PCCA: variants seen among roughly 807,000 people sequenced by gnomAD.
PCCA encodes the protein propionyl-CoA carboxylase subunit alpha.
Under a neutral mutation model 101.3 loss-of-function variants are expected in PCCA, and 74 were observed. The observed-to-expected ratio is 0.73, with a 90% CI of 0.61 to 0.89. PCCA has a LOEUF of 0.89. Among genes scored for constraint, PCCA ranks in the 40% least tolerant of loss-of-function variants. PCCA has a pLI of 0.00. For missense variants in PCCA, 891 were observed against 907.0 expected (o/e 0.98, Z 0.23); for synonymous variants, 294 against 313.6 (o/e 0.94, Z 0.66).
intron 15 of PCCA, among the ~76,000 whole-genome samples, chr13:100,308,334 CT>C (rs111983196): frequency 6.6e-6 from 1 of 151,472 alleles, no homozygotes; most frequent in African/African-American, 2.4e-5. Flanking sequence ...GGTTTTAGTG[CT>C]TTTTTTTGGG....
At chr13:100,166,701 T>C (rs2055072407) in intron 6 of PCCA, among the ~76,000 whole-genome samples, 1 of 152,186 alleles carries the variant, frequency 6.6e-6, no homozygotes, top group Admixed American at 6.5e-5. Context: ...ATGTGAGTTG[T>C]TTCCAGCTTT....
chr13:100,444,202 ATTTTT>A (rs60275166), intron 20 of PCCA, among the ~76,000 whole-genome samples: 1 of 120,754 alleles, frequency 8.3e-6, no homozygotes, highest in Non-Finnish European at 1.7e-5. Context: ...TCAGCCCACA[ATTTTT>A]TTTTTTTTTT....
At chr13:100,359,153 C>T (rs995277441) in intron 18 of PCCA, among the ~76,000 whole-genome samples, 2 of 148,166 alleles carry the variant, frequency 1.3e-5, no homozygotes, top group Admixed American at 1.3e-4. Context: ...AAATGGAAGA[C>T]AGCCTCGGTG....
At chr13:100,453,918 G>C (rs1166187810) in intron 21 of PCCA, among the ~76,000 whole-genome samples, 1 of 152,198 alleles carries the variant, frequency 6.6e-6, no homozygotes, top group Non-Finnish European at 1.5e-5. Context: ...AGGCTGGAGT[G>C]CAGTGGCGCG....
At chr13:100,512,705 G>A (rs890098799) in intron 21 of PCCA, among the ~76,000 whole-genome samples, 3 of 152,188 alleles carry the variant, frequency 2.0e-5, no homozygotes, top group African/African-American at 7.2e-5. Flanking sequence ...CTACTACTCT[G>A]TCCTGTCCAC....
intron 4 of PCCA, among the ~76,000 whole-genome samples, chr13:100,147,796 C>T (rs926202956): frequency 1.1e-4 from 16 of 152,172 alleles, no homozygotes; most frequent in East Asian, 1.9e-4. Context: ...TTTTTTACTA[C>T]GTAGTGACAT....
At chr13:100,435,756 A>T (rs908218512) in intron 20 of PCCA, among the ~76,000 whole-genome samples, 5 of 152,200 alleles carry the variant, frequency 3.3e-5, no homozygotes, top group Admixed American at 6.5e-5. Flanking sequence ...AAACAAAAGT[A>T]TAGGCGGCCA....
intron 7 of PCCA, among the ~76,000 whole-genome samples, chr13:100,214,325 T>C (rs1192967198): frequency 6.6e-6 from 1 of 152,156 alleles, no homozygotes; most frequent in Non-Finnish European, 1.5e-5. Context: ...ATTTTAACAA[T>C]ATTGATTCTT....
chr13:100,145,602 G>A (rs1393048717), intron 4 of PCCA, among the ~76,000 whole-genome samples: 1 of 152,072 alleles, frequency 6.6e-6, no homozygotes, highest in Non-Finnish European at 1.5e-5. Context: ...AGTGGCTCAC[G>A]CCTGTAATCC....
chr13:100,397,983 A>C (rs191629555), intron 19 of PCCA, among the ~76,000 whole-genome samples: 23 of 152,308 alleles, frequency 1.5e-4, no homozygotes, highest in Admixed American at 3.3e-4. Flanking sequence ...AGTCTCTTTA[A>C]TCATTCAGGT....
intron 12 of PCCA, among the ~76,000 whole-genome samples, chr13:100,275,042 C>G (rs1330075461): frequency 1.5e-5 from 1 of 66,396 alleles, no homozygotes; most frequent in Non-Finnish European, 2.8e-5. Context: ...CCGTTAGGCC[C>G]TTGGGGGAGG....
intron 19 of PCCA, among the ~76,000 whole-genome samples, chr13:100,397,510 T>G (rs2077107060): frequency 1.3e-5 from 2 of 152,218 alleles, no homozygotes; most frequent in Non-Finnish European, 2.9e-5. Flanking sequence ...CCAAAGAGCG[T>G]TCATAATCTG....
chr13:100,385,719 C>G (rs1479075184), intron 19 of PCCA, among the ~76,000 whole-genome samples: 2 of 152,128 alleles, frequency 1.3e-5, no homozygotes, highest in African/African-American at 4.8e-5. Flanking sequence ...GCCTCCTAGG[C>G]TCCAGTGATC....
At chr13:100,268,965 T>C (rs564304239) in intron 11 of PCCA, among the ~76,000 whole-genome samples, 182 bp downstream of exon 11, 86 of 152,292 alleles carry the variant, frequency 5.6e-4, no homozygotes, top group African/African-American at 2.0e-3. Flanking sequence ...TCCTCCCAAC[T>C]CAGCCTCCCA....
At chr13:100,111,572 A>G (rs533637404) in intron 2 of PCCA, among the ~76,000 whole-genome samples, 14 of 152,356 alleles carry the variant, frequency 9.2e-5, no homozygotes, top group African/African-American at 3.4e-4. Context: ...TTAACAAAGT[A>G]ATTATAGAAC....
At chr13:100,096,155 T>G (rs1196265546) in intron 1 of PCCA, among the ~76,000 whole-genome samples, 2 of 152,168 alleles carry the variant, frequency 1.3e-5, no homozygotes, top group African/African-American at 4.8e-5. Context: ...TTTTTTTTGT[T>G]GTTTTTACAG....
intron 16 of PCCA, among the ~76,000 whole-genome samples, chr13:100,326,129 C>G (rs1595356652): frequency 6.6e-6 from 1 of 152,134 alleles, no homozygotes; most frequent in Admixed American, 6.6e-5. Flanking sequence ...CTGGAGAAAA[C>G]TTTGTCTGGA....
intron 19 of PCCA, among the ~76,000 whole-genome samples, chr13:100,387,364 T>A (rs1372902208): frequency 6.6e-6 from 1 of 152,186 alleles, no homozygotes; most frequent in Non-Finnish European, 1.5e-5. Flanking sequence ...GTTGGAGAGA[T>A]GTGTTTCCCA....
At chr13:100,174,661 G>A (rs2056062691) in intron 6 of PCCA, among the ~76,000 whole-genome samples, 1 of 148,640 alleles carries the variant, frequency 6.7e-6, no homozygotes, top group South Asian at 2.2e-4. Flanking sequence ...CTGGAAGGTG[G>A]AGGTTGCAGT....
Sources: allele counts gnomAD v4.1 joint callset (sites outside exome capture counted in the v4.1 genomes callset), GRCh38; gene constraint gnomAD v4.1.1; transcripts MANE v1.5; gene names NCBI Gene and HGNC (gene_info 2026-07-23, HGNC 2026-07-21).